Variants in PSMD3 observed in about 807,000 individuals in gnomAD.
PSMD3 encodes 26S proteasome non-ATPase regulatory subunit 3.
In PSMD3, 5 loss-of-function variants were observed where a neutral mutation model predicts 62.8. That is an observed-to-expected ratio of 0.08 (90% CI 0.04 to 0.17). PSMD3 has a LOEUF of 0.17. Among genes scored for constraint, PSMD3 ranks in the 10% least tolerant of loss-of-function variants. PSMD3 has a pLI of 1.00. For missense variants in PSMD3, 524 were observed against 713.6 expected (o/e 0.73, Z 3.03); for synonymous variants, 265 against 283.9 (o/e 0.93, Z 0.67).
At chr17:39,982,933 TA>T (rs1980422618) in intron 1 of PSMD3, among the ~76,000 whole-genome samples, 1 of 152,258 alleles carries the variant, frequency 6.6e-6, no homozygotes, top group African/African-American at 2.4e-5. Flanking sequence ...TGCCTGAGTT[TA>T]AAAGGCTGAA....
intron 1 of PSMD3, among the ~76,000 whole-genome samples, chr17:39,983,777 C>T (rs145956499): frequency 7.0e-4 from 106 of 152,268 alleles, no homozygotes; most frequent in African/African-American, 2.5e-3. Flanking sequence ...TCCTGCACCC[C>T]CACTGTATGT....
intron 3 of PSMD3, among the ~76,000 whole-genome samples, 156 bp from the exon 4 acceptor site, chr17:39,988,527 C>T (rs7222556): frequency 0.2 from 30,909 of 152,112 alleles, 3,960 homozygotes; most frequent in African/African-American, 0.35. Context: ...ATGAATAATG[C>T]TTCTGTGAAC....
intron 6 of PSMD3, among the ~76,000 whole-genome samples, chr17:39,990,476 T>G (rs776687687): frequency 4.1e-4 from 62 of 152,214 alleles, no homozygotes; most frequent in Admixed American, 7.2e-4. Context: ...TTATTATTTT[T>G]TGTGTGTGTG....
chr17:39,988,843 T>G, intron 4 of PSMD3, 24 bp downstream of exon 4: 1 of 1,610,964 alleles, frequency 6.2e-7, no homozygotes, highest in Non-Finnish European at 8.5e-7. Flanking sequence ...AGCATCTCAC[T>G]TGGGGTCCGT....
rs1223949049 is a variant in PSMD3 at position 39,996,222 on chromosome 17, G to A, written c.1360G>A (p.Glu454Lys). The change falls in exon 10 of 12, where the codon GAG becomes AAG. Residue 454 changes from glutamate (E) to lysine (K), a missense_variant. Around this residue, in one of 4 missense-constraint regions of PSMD3, gnomAD observed 76 missense variants for 97.3 expected, o/e 0.78. Transcript: ENST00000264639. The surrounding 1 kb of genome is among the most constrained non-coding windows in gnomAD (Gnocchi z 5.1). ...TGTCATTGAGGCCAGCATCAACCAC[G>A]AGAAGGGCTATGTCCAATCCAAGGA... ...DGVIEASINH[E>K]KGYVQSKEMI... 14 of 1,613,904 alleles carry A rather than the reference G, an allele frequency of 8.7e-6. No individual in the cohort carries two copies. The highest frequency in any genetic ancestry group is 1.2e-5 in the Non-Finnish European group (14 of 1,180,006).
At chr17:39,983,253 C>G (rs2144806955) in intron 1 of PSMD3, among the ~76,000 whole-genome samples, 1 of 152,152 alleles carries the variant, frequency 6.6e-6, no homozygotes, top group Admixed American at 6.5e-5. Context: ...GGCTGGTCTC[C>G]AACTGCTACC....
At chr17:39,981,256 C>A in intron 1 of PSMD3, 66 bp downstream of exon 1, 1 of 1,542,844 alleles carries the variant, frequency 6.5e-7, no homozygotes, top group African/African-American at 1.4e-5. Flanking sequence ...GATTTGGCTT[C>A]TTGCTGGGAA....
At position 39,981,178 on chromosome 17, in the gene PSMD3, G is replaced by C. The variant is rs1980374826; in HGVS notation, c.208G>C (p.Val70Leu). Residue 70 changes from valine to leucine, a missense_variant, in exon 1 of 12, where the codon GTC becomes CTC. Coordinates refer to ENST00000264639, the MANE Select transcript of PSMD3 (RefSeq NM_002809.4). ...AEHSQRELDT[V>L]TLEDIKEHVK... ...GCACTCCCAGCGAGAGCTGGACACA[G>C]TCACCTTGGAGGGTACGGCAGCCCA... 6.4e-7 allele frequency: 1 copy of C among 1,550,712 alleles called. No homozygotes were observed. The highest frequency in any genetic ancestry group is 1.4e-5 in the African/African-American group (1 of 73,030).
rs567829287 is a variant in PSMD3 at position 39,996,022 on chromosome 17, G to A, written c.1321-161G>A. On this transcript the variant is annotated intron_variant, in intron 9 of 11. Coordinates refer to ENST00000264639, the MANE Select transcript of PSMD3 (RefSeq NM_002809.4). The surrounding 1 kb of genome is among the most constrained non-coding windows in gnomAD (Gnocchi z 5.1). ...TAATCCCAGCTACTTGGGAGGCTGA[G>A]GCAGGAGAATCGCTTGAACCCGGGA... 2.5e-6 allele frequency: 2 copies of A among 803,462 alleles called. No homozygotes were observed. The highest frequency in any genetic ancestry group is 4.0e-6 in the Non-Finnish European group (2 of 505,722). The allele number at this position is 803,462 out of a possible 1,614,324, so 49.8% of individuals were successfully genotyped here. A position where few individuals can be genotyped will look rare whatever the true frequency, so the allele number is the denominator to read the frequency against.
At chr17:39,989,187 C>T (rs754008618) in intron 4 of PSMD3, among the ~76,000 whole-genome samples, 18 of 152,190 alleles carry the variant, frequency 1.2e-4, no homozygotes, top group Non-Finnish European at 1.8e-4. Flanking sequence ...CCTCATAAGG[C>T]CTGACGTGAT....
intron 1 of PSMD3, among the ~76,000 whole-genome samples, chr17:39,983,135 C>G (rs1160284639): frequency 6.6e-6 from 1 of 151,866 alleles, no homozygotes; most frequent in Non-Finnish European, 1.5e-5. Context: ...CAAGTTCAAG[C>G]GATTCTCCTG....
At chr17:39,993,970 AGTCCCCAGACTGCG>A (rs1470833721) in intron 6 of PSMD3, 5 of 152,256 alleles carry the variant, frequency 3.3e-5, no homozygotes, top group African/African-American at 7.2e-5. Context: ...GCAATGGCAT[AGTCCCCAGACTGCG>A]GTCCCAACTG....
At position 39,995,933 on chromosome 17, in the gene PSMD3, A is replaced by G; in HGVS notation, c.1321-250A>G. 1 of 508,038 alleles carries G rather than the reference A, an allele frequency of 2.0e-6. No homozygotes were observed. The highest frequency in any genetic ancestry group is 2.1e-5 in the South Asian group (1 of 48,370). 31.5% of individuals were successfully genotyped at this position (508,038 alleles called of 1,614,324 possible). ...CAGGAGTTTGAGACAAGCCTGGCCA[A>G]CTTGGCGAAACCCCATCTCTACTGA... On this transcript the variant is annotated intron_variant, in intron 9 of 11. Transcript: ENST00000264639. This position sits in a 1 kb window ranked among gnomAD's most constrained non-coding sequence, Gnocchi z 4.1.
chr17:39,984,221 A>G (rs77669725), intron 1 of PSMD3, 73 bp from the exon 2 acceptor site: 6 of 917,400 alleles, frequency 6.5e-6, no homozygotes, highest in Non-Finnish European at 9.4e-6. Context: ...AAAAAAAAAA[A>G]AGAACTCCTT....
Position 39,980,852 on chromosome 17 carries a change from T to A in PSMD3, c.-119T>A. ...GGGGTTTGCAGCTGCTCCGTCATCG[T>A]GCGGCCCGACGCTATCTCGCGCTCG... On this transcript the variant is annotated 5_prime_UTR_variant, in exon 1 of 12. Transcript: ENST00000264639. The A allele has an allele frequency of 1.1e-6, 1 of 924,612 alleles. No individual in the cohort carries two copies. Among genetic ancestry groups the A allele is most frequent in the Non-Finnish European group, 1.5e-6 (1 of 648,250 alleles). The allele number at this position is 924,612 out of a possible 1,614,324, so 57.3% of individuals were successfully genotyped here.
At chr17:39,990,332 G>T in intron 6 of PSMD3, 135 bp downstream of exon 6, 1 of 743,612 alleles carries the variant, frequency 1.3e-6, no homozygotes, top group Non-Finnish European at 2.2e-6. Context: ...CAAAGTGCTG[G>T]GATCACAGGT....
chr17:39,990,247 T>TA (rs1555658992), intron 6 of PSMD3, 50 bp downstream of exon 6: 8 of 1,356,444 alleles, frequency 5.9e-6, no homozygotes, highest in Admixed American at 2.1e-5. Context: ...TTTTTTTTTT[T>TA]AAATGGTGTC....
At chr17:39,991,664 T>G (rs1473740734) in intron 6 of PSMD3, among the ~76,000 whole-genome samples, 1 of 152,132 alleles carries the variant, frequency 6.6e-6, no homozygotes, top group Non-Finnish European at 1.5e-5. Flanking sequence ...GTCAATGTAG[T>G]AGGAGATTCA....
At chr17:39,981,471 T>G (rs1271295525) in intron 1 of PSMD3, among the ~76,000 whole-genome samples, 1 of 152,176 alleles carries the variant, frequency 6.6e-6, no homozygotes, top group Non-Finnish European at 1.5e-5. Flanking sequence ...CTCTTTTAAG[T>G]CCTCCCCTCT....
Sources: gnomAD v4.1 joint callset for allele counts (sites outside exome capture counted in the v4.1 genomes callset) on GRCh38, gnomAD v4.1.1 for gene constraint, gnomAD v4.1.1 regional missense constraint, Gnocchi (gnomAD v3.1) non-coding constraint, MANE v1.5 for transcripts, NCBI Gene and HGNC (gene_info 2026-07-23, HGNC 2026-07-21) for gene names.